Variants in GSDME observed in about 807,000 individuals in gnomAD.
GSDME encodes gasdermin E, also known as gasdermin-E.
Under a neutral mutation model 47.5 loss-of-function variants are expected in GSDME, and 44 were observed. That is an observed-to-expected ratio of 0.93 (90% CI 0.73 to 1.19). The LOEUF (loss-of-function observed/expected upper bound fraction) is 1.19, where lower values mean the gene tolerates loss of function less well. Ranked by LOEUF, GSDME falls within the 50% of genes most tolerant of loss-of-function variation. The probability of loss-of-function intolerance (pLI) is 0.00; values close to 1 mark genes in which losing one functional copy is unlikely to be tolerated. For missense variants in GSDME, 663 were observed against 604.2 expected (o/e 1.10, Z -1.02); for synonymous variants, 258 against 252.8 (o/e 1.02, Z -0.20).
intron 7 of GSDME, chr7:24,707,532 G>A: frequency 2.4e-6 from 1 of 417,286 alleles, no homozygotes; most frequent in Non-Finnish European, 5.0e-6. Context: ...TCTGAGTAGT[G>A]GCCCACCAAC....
chr7:24,704,462 A>G (rs1334771213), intron 8 of GSDME: 1 of 152,206 alleles, frequency 6.6e-6, no homozygotes, highest in Non-Finnish European at 1.5e-5. Context: ...ATTAAGAGGA[A>G]AAAAAATGAA....
the GSDME span, among the ~76,000 whole-genome samples, chr7:24,779,498 G>GGTGGGTGTGTGTGT: frequency 7.0e-6 from 1 of 143,050 alleles, no homozygotes; most frequent in Non-Finnish European, 1.5e-5. This position sits in a 1 kb window ranked among gnomAD's most constrained non-coding sequence, Gnocchi z 6.0. Flanking sequence ...AGTGATACAT[G>GGTGGGTGTGTGTGT]GTGTGTGTGT....
At chr7:24,711,758 T>G (rs914622315) in intron 5 of GSDME, among the ~76,000 whole-genome samples, 7 of 142,088 alleles carry the variant, frequency 4.9e-5, no homozygotes, top group Non-Finnish European at 8.9e-5. Flanking sequence ...GAGGTTGCAG[T>G]GAGCCAAGAT....
At chr7:24,762,599 A>C (rs1791183977), upstream of GSDME, among the ~76,000 whole-genome samples, 1 of 152,148 alleles carries the variant, frequency 6.6e-6, no homozygotes, top group Non-Finnish European at 1.5e-5. Flanking sequence ...CATATTAGGT[A>C]CTGAGGATAT....
the GSDME span, among the ~76,000 whole-genome samples, chr7:24,786,929 C>T: frequency 1.3e-5 from 2 of 152,114 alleles, no homozygotes; most frequent in Admixed American, 6.5e-5. The surrounding 1 kb of genome is among the most constrained non-coding windows in gnomAD (Gnocchi z 5.5). Flanking sequence ...TGGGTTCTGG[C>T]CTCACTGTTA....
In GSDME at chr7:24,719,747, C is replaced by T. The variant is rs539510769; in HGVS notation, c.405-529G>A. On this transcript the variant is annotated intron_variant, in intron 3 of 9. Transcript: ENST00000645220. ...GGCGGAATTTGCAATGAGCTGAGATCATGCCATTGCGCTCCAGCCAGGGCA... is the reference window on the plus strand; with the variant it reads ...GGCGGAATTTGCAATGAGCTGAGATTATGCCATTGCGCTCCAGCCAGGGCA... Among the ~76,000 whole-genome samples the T allele has an allele frequency of 4.0e-5, 6 of 151,886 alleles. No homozygotes were observed. The South Asian group carries it at 1.3e-3, about 32-fold the overall frequency.
intron 3 of GSDME, among the ~76,000 whole-genome samples, chr7:24,723,932 T>G (rs2128055588): frequency 6.6e-6 from 1 of 152,314 alleles, no homozygotes; most frequent in South Asian, 2.1e-4. Flanking sequence ...CAAGCCCATC[T>G]CACTCTCCTC....
rs2128044531 is a variant in GSDME at position 24,699,220 on chromosome 7, C to T, written c.1297G>A (p.Asp433Asn). ...TCTTTCAGGGGAGTCAAGGTTGGGT[C>T]TTCAAGATCAGATACTCCATCATCA... ...LSDDGVSDLE[D>N]PTLTPLKDTE... The change falls in exon 10 of 10, where the codon GAC becomes AAC. Residue 433 changes from aspartate to asparagine, a missense_variant. Asp to Asn is a conservative substitution (Grantham distance 23). Transcript: ENST00000645220. The T allele has an allele frequency of 6.2e-7, 1 of 1,614,136 alleles. No homozygotes were observed. The highest frequency in any genetic ancestry group is 1.3e-5 in the African/African-American group (1 of 75,024).
At chr7:24,771,103 T>C in the GSDME span, among the ~76,000 whole-genome samples, 2 of 152,156 alleles carry the variant, frequency 1.3e-5, no homozygotes, top group South Asian at 4.2e-4. The surrounding 1 kb of genome is among the most constrained non-coding windows in gnomAD (Gnocchi z 4.1). Context: ...GCGTATCGTA[T>C]TGAAACTTCA....
Position 24,736,118 on chromosome 7 carries a change from A to G in GSDME, c.404+8444T>C, listed in dbSNP as rs191239664. 3.3e-3 allele frequency among the ~76,000 whole-genome samples: 510 copies of G among 152,264 alleles called. 1 individual carries two copies. The highest frequency in any genetic ancestry group is 4.6e-3 in the Non-Finnish European group (314 of 67,998). ...AAAGGAAGACAGGAAGAAAAGAAAG[A>G]AGGAGGAGAAGACCACAAAACAAAT... On this transcript the variant is annotated intron_variant, in intron 3 of 9. Coordinates refer to ENST00000645220, the MANE Select transcript of GSDME (RefSeq NM_001127453.2). The surrounding 1 kb of genome is among the most constrained non-coding windows in gnomAD (Gnocchi z 4.6).
the GSDME span, among the ~76,000 whole-genome samples, chr7:24,791,141 T>G: frequency 6.6e-6 from 1 of 152,076 alleles, no homozygotes. This position sits in a 1 kb window ranked among gnomAD's most constrained non-coding sequence, Gnocchi z 4.8. Flanking sequence ...GGATCCAGGC[T>G]GGGATTCCTT....
chr7:24,727,757 C>T (rs1790016315), intron 3 of GSDME, among the ~76,000 whole-genome samples: 2 of 152,206 alleles, frequency 1.3e-5, no homozygotes, highest in Non-Finnish European at 1.5e-5. Context: ...CAGTAACTGC[C>T]CCCCTAAAAT....
chr7:24,790,377 C>T, the GSDME span, among the ~76,000 whole-genome samples: 2 of 152,212 alleles, frequency 1.3e-5, no homozygotes, highest in African/African-American at 4.8e-5. This position sits in a 1 kb window ranked among gnomAD's most constrained non-coding sequence, Gnocchi z 4.1. Flanking sequence ...CTCAGGGGGC[C>T]ATTCATCAAC....
chr7:24,724,601 C>T lies in GSDME; in HGVS notation c.405-5383G>A, dbSNP rs530600510. On this transcript the variant is annotated intron_variant, in intron 3 of 9. Transcript: ENST00000645220. This position sits in a 1 kb window ranked among gnomAD's most constrained non-coding sequence, Gnocchi z 4.8. ...CAGGGGAAGGGGGTGCATACTCAGT[C>T]GAGAAGAACTCCCTCTCCTCACTCA... 3.3e-5 allele frequency: 5 copies of T among 152,464 alleles called. No individual in the cohort carries two copies. Among genetic ancestry groups the T allele is most frequent in the East Asian group, 3.9e-4 (2 of 5,192 alleles). 9.4% of individuals were successfully genotyped at this position (152,464 alleles called of 1,614,324 possible). A position where few individuals can be genotyped will look rare whatever the true frequency, so the allele number is the denominator to read the frequency against.
upstream of GSDME, among the ~76,000 whole-genome samples, chr7:24,761,463 A>C (rs1330320372): frequency 6.6e-6 from 1 of 152,232 alleles, no homozygotes; most frequent in Non-Finnish European, 1.5e-5. The surrounding 1 kb of genome is among the most constrained non-coding windows in gnomAD (Gnocchi z 4.4). Context: ...AGAACAAACA[A>C]AACAAGTCCC....
rs562948474 is a variant in GSDME, at chr7:24,744,704, C to A, written c.262G>T (p.Val88Leu). The stretch of plus-strand genomic sequence containing the variant: ...AGTGCAGTCTCCAGGGTTCCACTCA[C>A]GTGGTTTGCAAACTTGCCCTCGTAT... ...VKYEGKFANH[V>L]SGTLETALGK... is the part of the protein sequence containing the mutation. Residue 88 changes from valine (V) to leucine (L), a missense_variant, in exon 3 of 10, where the codon GTG becomes TTG. Physicochemically the swap from Val to Leu is conservative, Grantham distance 32 (BLOSUM62 1). Transcript: ENST00000645220. This position sits in a 1 kb window ranked among gnomAD's most constrained non-coding sequence, Gnocchi z 4.5. 2.5e-6 allele frequency: 4 copies of A among 1,614,020 alleles called. No homozygotes were observed. Among genetic ancestry groups the A allele is most frequent in the Non-Finnish European group, 1.7e-6 (2 of 1,180,030 alleles).
upstream of GSDME, among the ~76,000 whole-genome samples, chr7:24,758,877 G>C (rs993447596): frequency 1.3e-5 from 2 of 152,218 alleles, no homozygotes; most frequent in Non-Finnish European, 2.9e-5. The surrounding 1 kb of genome is among the most constrained non-coding windows in gnomAD (Gnocchi z 4.6). Context: ...CAGCTGGTCT[G>C]TTTTGTTCCC....
chr7:24,707,313 TAAGAA>T (rs1789152066), intron 7 of GSDME: 1 of 471,054 alleles, frequency 2.1e-6, no homozygotes. Context: ...GCCTCAGCCT[TAAGAA>T]AGGGAGGACA....
At position 24,754,472 on chromosome 7, in the gene GSDME, C is replaced by T. The variant is rs971885059; in HGVS notation, c.-20+2924G>A. Among the ~76,000 whole-genome samples the T allele has an allele frequency of 1.5e-4, 21 of 135,576 alleles. No homozygotes were observed. The highest frequency in any genetic ancestry group is 1.6e-4 in the African/African-American group (5 of 31,802). 88.9% of individuals were successfully genotyped at this position (135,576 alleles called of 152,430 possible). A position where few individuals can be genotyped will look rare whatever the true frequency, so the allele number is the denominator to read the frequency against. ...TGCACTCCAGCCTGGGCAACAAGAG[C>T]GAAACTTTGTCTCAAAAAAAAAAAA... is the stretch of plus-strand genomic sequence containing the variant. On this transcript the variant is annotated intron_variant, in intron 1 of 9. Coordinates refer to ENST00000645220, the MANE Select transcript of GSDME (RefSeq NM_001127453.2). This position sits in a 1 kb window ranked among gnomAD's most constrained non-coding sequence, Gnocchi z 5.0.
Sources: gnomAD v4.1 joint callset for allele counts (sites outside exome capture counted in the v4.1 genomes callset) on GRCh38, gnomAD v4.1.1 for gene constraint, Gnocchi (gnomAD v3.1) non-coding constraint, MANE v1.5 for transcripts, NCBI Gene and HGNC (gene_info 2026-07-23, HGNC 2026-07-21) for gene names.